Variants in UNC79 observed in about 807,000 individuals in gnomAD.
UNC79 encodes the protein protein unc-79 homolog.
Under a neutral mutation model 283.1 loss-of-function variants are expected in UNC79, and 37 were observed. The ratio of observed to expected loss-of-function variants is 0.13; its 90% confidence interval spans 0.10 to 0.17. The LOEUF is 0.17. Ranked by LOEUF, UNC79 falls within the 10% of genes least tolerant of loss-of-function variation. UNC79 has a pLI of 1.00. For synonymous variants in UNC79, 1,107 were observed against 1,200.2 expected (o/e 0.92, Z 1.61); for missense variants, 2,272 against 3,211.1 (o/e 0.71, Z 7.07).
chr14:93,363,166 T>C (rs1246802143), intron 1 of UNC79, among the ~76,000 whole-genome samples: 1 of 152,220 alleles, frequency 6.6e-6, no homozygotes, highest in Non-Finnish European at 1.5e-5. Flanking sequence ...TGTTGTATCT[T>C]TGTTTTCATC....
chr14:93,633,624 T>C (rs2068234135), intron 31 of UNC79, among the ~76,000 whole-genome samples: 3 of 152,226 alleles, frequency 2.0e-5, no homozygotes, highest in Non-Finnish European at 4.4e-5. Context: ...GTTGCATCCA[T>C]GATGCTCTGC....
chr14:93,664,044 T>A (rs901248516), intron 40 of UNC79, among the ~76,000 whole-genome samples: 1 of 152,160 alleles, frequency 6.6e-6, no homozygotes, highest in Non-Finnish European at 1.5e-5. Context: ...TTTAGTGGCC[T>A]TTTACTTCCC....
At chr14:93,409,609 G>A (rs2055295297) in intron 1 of UNC79, among the ~76,000 whole-genome samples, 1 of 152,142 alleles carries the variant, frequency 6.6e-6, no homozygotes, top group Admixed American at 6.6e-5. Flanking sequence ...GATTGCATGA[G>A]GCTAGGAGTT....
At chr14:93,595,010 A>G (rs1012329781) in intron 23 of UNC79, among the ~76,000 whole-genome samples, 10 of 151,356 alleles carry the variant, frequency 6.6e-5, no homozygotes, top group African/African-American at 1.9e-4. Context: ...ACAGCACATC[A>G]TGTTGTGGAG....
At chr14:93,660,853 G>A (rs2071531524) in intron 39 of UNC79, among the ~76,000 whole-genome samples, 1 of 151,996 alleles carries the variant, frequency 6.6e-6, no homozygotes, top group African/African-American at 2.4e-5. Context: ...GCCTCCCAAA[G>A]TGCTGGGATT....
intron 46 of UNC79, among the ~76,000 whole-genome samples, chr14:93,692,947 G>A (rs1180934597): frequency 1.3e-5 from 2 of 152,140 alleles, no homozygotes; most frequent in Non-Finnish European, 2.9e-5. Flanking sequence ...GGGACCTGGA[G>A]GGACACCATA....
chr14:93,583,572 A>G (rs914950413), intron 20 of UNC79, among the ~76,000 whole-genome samples: 6 of 152,154 alleles, frequency 3.9e-5, no homozygotes, highest in African/African-American at 9.7e-5. Context: ...CTCAGCTCAC[A>G]CTATTTCATG....
intron 14 of UNC79, among the ~76,000 whole-genome samples, chr14:93,567,973 G>GAGA (rs543921526): frequency 2.0e-4 from 30 of 152,324 alleles, no homozygotes; most frequent in Non-Finnish European, 1.5e-4. Context: ...AGGTAGGTGA[G>GAGA]AGACAAATGG....
At chr14:93,384,009 A>C (rs538085316) in intron 1 of UNC79, among the ~76,000 whole-genome samples, 1 of 152,302 alleles carries the variant, frequency 6.6e-6, no homozygotes, top group Non-Finnish European at 1.5e-5. Flanking sequence ...GTGGAACTGT[A>C]AGTCCAATAA....
chr14:93,631,646 A>G (rs144385149), intron 31 of UNC79, among the ~76,000 whole-genome samples: 10 of 152,356 alleles, frequency 6.6e-5, no homozygotes, highest in African/African-American at 1.9e-4. Context: ...GTTGTGTTCC[A>G]TGTGGACATT....
intron 17 of UNC79, among the ~76,000 whole-genome samples, chr14:93,577,136 C>G (rs951315301): frequency 1.3e-5 from 2 of 152,086 alleles, no homozygotes; most frequent in East Asian, 3.8e-4. Context: ...AGAGGTCAAG[C>G]CTGCAGAGAG....
At position 93,690,490 on chromosome 14, in the gene UNC79, CG is replaced by C; in HGVS notation, c.7272+188del. ...TAGATTCCCAGACTGTCTTTCCCCC[CG>C]CCCCCAAATTGTTTTTCGGCTTACT... On this transcript the variant is annotated intron_variant, in intron 45 of 48. Transcript: ENST00000555664. This position sits in a 1 kb window ranked among gnomAD's most constrained non-coding sequence, Gnocchi z 4.3. 1 of 589,056 alleles carries C rather than the reference CG, an allele frequency of 1.7e-6. No individual in the cohort carries two copies. The highest frequency in any genetic ancestry group is 4.4e-5 in the South Asian group (1 of 22,782). 36.5% of individuals were successfully genotyped at this position (589,056 alleles called of 1,614,324 possible). A position where few individuals can be genotyped will look rare whatever the true frequency, so the allele number is the denominator to read the frequency against.
In UNC79 at chr14:93,366,599, G is replaced by A. The variant is rs1215421973; in HGVS notation, c.-351+33076G>A. Reference sequence around the variant, plus strand: ...TTTTTTTTTTTTTATTTGAGACAGGGTTTTACTCTGTCACCCAGGCTGGAG... The same window carrying A: ...TTTTTTTTTTTTTATTTGAGACAGGATTTTACTCTGTCACCCAGGCTGGAG... On this transcript the variant is annotated intron_variant, in intron 1 of 49. Coordinates refer to the UNC79 transcript ENST00000256339. 2.7e-5 allele frequency among the ~76,000 whole-genome samples: 4 copies of A among 149,144 alleles called. No homozygotes were observed. In the South Asian group the frequency reaches 8.4e-4, roughly 31 times the overall value.
intron 1 of UNC79, among the ~76,000 whole-genome samples, chr14:93,354,343 C>G (rs562643294): frequency 2.0e-4 from 31 of 152,308 alleles, no homozygotes; most frequent in African/African-American, 7.2e-4. Flanking sequence ...GCTCCAAGAT[C>G]TGAAACTTAG....
At chr14:93,605,592 G>T (rs896057550) in intron 26 of UNC79, among the ~76,000 whole-genome samples, 1 of 152,194 alleles carries the variant, frequency 6.6e-6, no homozygotes, top group Non-Finnish European at 1.5e-5. Context: ...GATTGTGAAG[G>T]TTCCGAATAC....
chr14:93,339,303 T>G (rs2053649138), intron 1 of UNC79, among the ~76,000 whole-genome samples: 1 of 151,518 alleles, frequency 6.6e-6, no homozygotes, highest in African/African-American at 2.4e-5. Context: ...TTTTTCTTTA[T>G]TTTTCTTTTT....
intron 41 of UNC79, among the ~76,000 whole-genome samples, chr14:93,681,134 A>G (rs1406413613): frequency 2.0e-5 from 3 of 152,212 alleles, no homozygotes; most frequent in Admixed American, 1.3e-4. Context: ...TAATGGCTAA[A>G]TAGATTCTTC....
exon 30 of UNC79, chr14:93,622,147 C>A: frequency 1.2e-6 from 2 of 1,614,148 alleles, no homozygotes; most frequent in African/African-American, 1.3e-5. Context: ...AGCCTCTTCC[C>A]CCTCTCAGAA....
chr14:93,572,348 ATATAAT>A (rs1410009712), intron 15 of UNC79, among the ~76,000 whole-genome samples: 1 of 152,284 alleles, frequency 6.6e-6, no homozygotes, highest in African/African-American at 2.4e-5. Flanking sequence ...AAATTTTCAA[ATATAAT>A]TATAATTGGT....
Sources: gnomAD v4.1 joint callset for allele counts (sites outside exome capture counted in the v4.1 genomes callset) on GRCh38, gnomAD v4.1.1 for gene constraint, Gnocchi (gnomAD v3.1) non-coding constraint, MANE v1.5 for transcripts, NCBI Gene and HGNC (gene_info 2026-07-23, HGNC 2026-07-21) for gene names.